The following DOCK10 variants were observed in gnomAD, a reference collection of about 807,000 sequenced individuals.
DOCK10 encodes the protein dedicator of cytokinesis protein 10.
A neutral mutation model predicts 280.1 loss-of-function variants in DOCK10; 145 were observed. That is an observed-to-expected ratio of 0.52 (90% CI 0.45 to 0.59). DOCK10 has a LOEUF of 0.59. Among genes scored for constraint, DOCK10 ranks in the 20% least tolerant of loss-of-function variants. The probability of loss-of-function intolerance (pLI) is 0.00; values close to 1 mark genes in which losing one functional copy is unlikely to be tolerated. For synonymous variants in DOCK10, 915 were observed against 942.2 expected (o/e 0.97, Z 0.53); for missense variants, 2,368 against 2,651.7 (o/e 0.89, Z 2.35).
chr2:224,876,720 C>T (rs2125698756), intron 7 of DOCK10, among the ~76,000 whole-genome samples: 1 of 152,270 alleles, frequency 6.6e-6, no homozygotes, highest in Non-Finnish European at 1.5e-5. Context: ...CCACTTCCTC[C>T]TTTCTGAAAC....
At chr2:224,870,788 A>G (rs1698220375) in intron 11 of DOCK10, among the ~76,000 whole-genome samples, 1 of 126,158 alleles carries the variant, frequency 7.9e-6, no homozygotes, top group African/African-American at 3.3e-5. Context: ...AGACTTCCAA[A>G]TTTGTATTTC....
Position 224,805,543 on chromosome 2 carries a change from C to T in DOCK10, c.3815-14G>A. On this transcript the variant is annotated splice_polypyrimidine_tract_variant and intron_variant, in intron 34 of 55. Coordinates refer to ENST00000258390, the MANE Select transcript of DOCK10 (RefSeq NM_014689.3). The surrounding 1 kb of genome is among the most constrained non-coding windows in gnomAD (Gnocchi z 4.3). ...TTGATGAAAATGCTGTAAACACAAG[C>T]CACAGCACACGTATGGGAATGAGAT... 1 of 1,611,496 alleles carries T rather than the reference C, an allele frequency of 6.2e-7. No individual in the cohort carries two copies. Among genetic ancestry groups the T allele is most frequent in the Non-Finnish European group, 8.5e-7 (1 of 1,178,498 alleles).
intron 1 of DOCK10, among the ~76,000 whole-genome samples, chr2:224,938,007 C>T (rs1259827028): frequency 6.6e-6 from 1 of 152,042 alleles, no homozygotes; most frequent in Non-Finnish European, 1.5e-5. Context: ...GACTGAGGAC[C>T]GCATATCTGG....
At chr2:224,766,769 A>C (rs3768870) in intron 55 of DOCK10, among the ~76,000 whole-genome samples, 24,605 of 152,214 alleles carry the variant, frequency 0.16, 2,356 homozygotes, top group East Asian at 0.33. Context: ...GAATGCTTAT[A>C]TGCATTACTT....
At chr2:224,822,727 GA>G (rs1178821108) in intron 28 of DOCK10, among the ~76,000 whole-genome samples, 1 of 150,864 alleles carries the variant, frequency 6.6e-6, no homozygotes, top group Non-Finnish European at 1.5e-5. Context: ...AAGAAATAAA[GA>G]AAAAAAAGAG....
chr2:224,806,064 T>G, intron 34 of DOCK10, 62 bp downstream of exon 34: 31 of 962,280 alleles, frequency 3.2e-5, no homozygotes, highest in Non-Finnish European at 4.7e-5. Context: ...AAAAGCACAA[T>G]GATATACAAT....
intron 29 of DOCK10, among the ~76,000 whole-genome samples, chr2:224,817,015 A>G (rs1694173700): frequency 6.6e-6 from 1 of 152,232 alleles, no homozygotes; most frequent in African/African-American, 2.4e-5. Context: ...AGCATGAATC[A>G]TGACACATTT....
intron 4 of DOCK10, among the ~76,000 whole-genome samples, chr2:224,887,382 C>G (rs1315318100): frequency 6.6e-6 from 1 of 152,192 alleles, no homozygotes; most frequent in Non-Finnish European, 1.5e-5. Context: ...GTAGCAATTA[C>G]ACTTACTTTG....
intron 1 of DOCK10, among the ~76,000 whole-genome samples, chr2:224,964,939 C>T (rs887443998): frequency 2.4e-4 from 36 of 152,198 alleles, no homozygotes; most frequent in Non-Finnish European, 7.3e-5. Context: ...GTCCACTAAA[C>T]TACCAAGTTA....
In DOCK10 at chr2:224,982,355, G is replaced by A. The variant is rs1468631068; in HGVS notation, c.124-50687C>T. On this transcript the variant is annotated intron_variant, in intron 1 of 55. Coordinates refer to ENST00000258390, the MANE Select transcript of DOCK10 (RefSeq NM_014689.3). ...AAAAGCTTGAAGCAGAACAATGCTG[G>A]CAGTGCAGCCCATCGCTGCATCCTG... 4.9e-6 allele frequency: 6 copies of A among 1,231,794 alleles called. No individual in the cohort carries two copies. The African/African-American group carries it at 6.2e-5, about 13-fold the overall frequency. 76.3% of individuals were successfully genotyped at this position (1,231,794 alleles called of 1,614,324 possible). A position where few individuals can be genotyped will look rare whatever the true frequency, so the allele number is the denominator to read the frequency against.
chr2:224,874,542 C>T (rs551654391), intron 9 of DOCK10, 124 bp downstream of exon 9: 46 of 1,023,964 alleles, frequency 4.5e-5, no homozygotes, highest in Middle Eastern at 2.1e-4. Flanking sequence ...CATAGGTTAA[C>T]GGGAAGTTCC....
At chr2:224,961,412 C>CTCTCTT (rs1553623605) in intron 1 of DOCK10, among the ~76,000 whole-genome samples, 1 of 119,382 alleles carries the variant, frequency 8.4e-6, no homozygotes, top group African/African-American at 3.4e-5. Context: ...TTCTTTCTTT[C>CTCTCTT]TCTTTCTTTC....
At chr2:224,900,018 A>G (rs1031707442) in intron 3 of DOCK10, among the ~76,000 whole-genome samples, 4 of 152,196 alleles carry the variant, frequency 2.6e-5, no homozygotes, top group Non-Finnish European at 4.4e-5. Flanking sequence ...GGACTGGATT[A>G]GAAATTTCTG....
chr2:225,035,972 C>T lies in DOCK10; in HGVS notation c.123+6280G>A, dbSNP rs114723776. Among the ~76,000 whole-genome samples, 536 of 152,062 alleles carry T rather than the reference C, an allele frequency of 3.5e-3. 2 individuals are homozygous for T. Among genetic ancestry groups the T allele is most frequent in the African/African-American group, 0.012 (518 of 41,458 alleles). On this transcript the variant is annotated intron_variant, in intron 1 of 55. Coordinates refer to ENST00000258390, the MANE Select transcript of DOCK10 (RefSeq NM_014689.3). ...TAATTACCTCCCAAAGGCCTCACCTCCTAACCGCATCATATAGGGGGTTAA... is the reference window on the plus strand; with the variant it reads ...TAATTACCTCCCAAAGGCCTCACCTTCTAACCGCATCATATAGGGGGTTAA...
Position 224,864,677 on chromosome 2 carries a change from T to C in DOCK10, c.1480-2A>G. Reference sequence around the variant, plus strand: ...TGGATTGCTTACAGAAAATACAGCCTGTGTACAAAGAAAGCAGCTAATAAG... The same window carrying C: ...TGGATTGCTTACAGAAAATACAGCCCGTGTACAAAGAAAGCAGCTAATAAG... On this transcript the variant is annotated splice_acceptor_variant, in intron 12 of 55. Coordinates refer to ENST00000258390, the MANE Select transcript of DOCK10 (RefSeq NM_014689.3). LOFTEE classifies it high-confidence loss of function. The C allele has an allele frequency of 6.2e-7, 1 of 1,605,922 alleles. No homozygotes were observed. The highest frequency in any genetic ancestry group is 8.5e-7 in the Non-Finnish European group (1 of 1,177,838).
intron 1 of DOCK10, among the ~76,000 whole-genome samples, chr2:224,974,180 C>G (rs1443522428): frequency 6.6e-6 from 1 of 152,210 alleles, no homozygotes; most frequent in Non-Finnish European, 1.5e-5. Flanking sequence ...TCTGTGCCTA[C>G]CAAATGCAAG....
rs372734791 is a variant in DOCK10, at chr2:224,972,457, T to C, written c.124-40789A>G. ...ATTCATTCATTCATCAAACCTTTGA[T>C]TGAGTACCTATTGGTAGAAGAATCA... On this transcript the variant is annotated intron_variant, in intron 1 of 55. Transcript: ENST00000258390. Among the ~76,000 whole-genome samples the C allele has an allele frequency of 2.8e-4, 43 of 152,330 alleles. 3 individuals carry two copies. In the East Asian group the frequency reaches 4.0e-3, roughly 14 times the overall value.
At chr2:224,980,181 G>A (rs1705672858) in intron 1 of DOCK10, among the ~76,000 whole-genome samples, 1 of 152,244 alleles carries the variant, frequency 6.6e-6, no homozygotes, top group South Asian at 2.1e-4. Context: ...GTACTCCTTC[G>A]TCAGAATCAA....
chr2:224,785,708 C>T (rs944411918), intron 50 of DOCK10, among the ~76,000 whole-genome samples: 5 of 152,160 alleles, frequency 3.3e-5, no homozygotes, highest in African/African-American at 1.2e-4. Flanking sequence ...TCTCGATCTC[C>T]TGACCTCGTG....
Sources: gnomAD v4.1 joint callset for allele counts (sites outside exome capture counted in the v4.1 genomes callset) on GRCh38, gnomAD v4.1.1 for gene constraint, Gnocchi (gnomAD v3.1) non-coding constraint, MANE v1.5 for transcripts, NCBI Gene and HGNC (gene_info 2026-07-23, HGNC 2026-07-21) for gene names.